The following STRN3 variants were observed in gnomAD, a reference collection of about 807,000 sequenced individuals.
The protein encoded by STRN3 is striatin 3.
A neutral mutation model predicts 95.6 loss-of-function variants in STRN3; 29 were observed. The ratio of observed to expected loss-of-function variants is 0.30; its 90% CI spans 0.23 to 0.41. STRN3 has a LOEUF of 0.41. STRN3 is among the 10% of genes least tolerant of loss of function. The probability of loss-of-function intolerance (pLI) is 1.00; values close to 1 mark genes in which losing one functional copy is unlikely to be tolerated. For missense variants in STRN3, 890 were observed against 972.1 expected (o/e 0.92, Z 1.12); for synonymous variants, 331 against 357.6 (o/e 0.93, Z 0.84).
At chr14:30,935,707 T>C (rs575637656) in intron 6 of STRN3, among the ~76,000 whole-genome samples, 3 of 152,332 alleles carry the variant, frequency 2.0e-5, no homozygotes, top group East Asian at 3.9e-4. Flanking sequence ...TTTAAATTCA[T>C]AGCTGTGATA....
chr14:30,894,636 T>C lies in STRN3; in HGVS notation c.*775A>G. On this transcript the variant is annotated 3_prime_UTR_variant, in exon 18 of 18. Transcript: ENST00000357479. ...TTGGTTTATGAAGACATTTATGTGA[T>C]GATGAAAGTTATTTAGCATCTTTAT... 6.4e-6 allele frequency: 1 copy of C among 156,968 alleles called. No individual in the cohort carries two copies. The highest frequency in any genetic ancestry group is 1.9e-4 in the South Asian group (1 of 5,372). 9.7% of individuals were successfully genotyped at this position (156,968 alleles called of 1,614,324 possible).
At chr14:30,928,343 C>T (rs1390525812) in intron 8 of STRN3, among the ~76,000 whole-genome samples, 1 of 152,234 alleles carries the variant, frequency 6.6e-6, no homozygotes, top group Admixed American at 6.5e-5. Context: ...GTCTATATTG[C>T]TTTTGCCTTT....
At chr14:31,006,528 A>G (rs1462727239) in intron 1 of STRN3, among the ~76,000 whole-genome samples, 3 of 151,766 alleles carry the variant, frequency 2.0e-5, no homozygotes, top group African/African-American at 7.3e-5. Context: ...AAACCCCAAC[A>G]CTACTAAAAA....
chr14:31,019,656 A>G (rs1883408409), intron 1 of STRN3, among the ~76,000 whole-genome samples: 1 of 152,168 alleles, frequency 6.6e-6, no homozygotes, highest in South Asian at 2.1e-4. Flanking sequence ...AGATTGAATC[A>G]GTTACTTCCT....
chr14:30,991,438 C>A (rs940678686), intron 1 of STRN3, among the ~76,000 whole-genome samples: 2 of 152,138 alleles, frequency 1.3e-5, no homozygotes, highest in Non-Finnish European at 2.9e-5. Flanking sequence ...ATAGGACAGG[C>A]ATCTGTAATG....
chr14:30,929,967 A>AAAAAAAAAAAAAAAAAAAAAAACAAAAAC, intron 7 of STRN3, among the ~76,000 whole-genome samples: 1 of 91,122 alleles, frequency 1.1e-5, no homozygotes, highest in Non-Finnish European at 2.3e-5. Flanking sequence ...AAAAAAAAAA[A>AAAAAAAAAAAAAAAAAAAAAAACAAAAAC]AAAAAAAAAA....
At position 31,026,209 on chromosome 14, in the gene STRN3, C is replaced by A. The variant is rs1435305240; in HGVS notation, c.-24G>T. 2 of 1,392,460 alleles carry A rather than the reference C, an allele frequency of 1.4e-6. No homozygotes were observed. The highest frequency in any genetic ancestry group is 1.8e-6 in the Non-Finnish European group (2 of 1,082,606). 86.3% of individuals were successfully genotyped at this position (1,392,460 alleles called of 1,614,324 possible). The stretch of plus-strand genomic sequence containing the variant: ...ATTGTGTGTGGGGCCCCGGCCGGGG[C>A]GCAGGGCGAGACGCCGACAGCTGGG... On this transcript the variant is annotated 5_prime_UTR_variant, in exon 1 of 18. Transcript: ENST00000357479.
At position 30,912,104 on chromosome 14, in the gene STRN3, C is replaced by A; in HGVS notation, c.1453G>T (p.Ala485Ser). Residue 485 changes from alanine to serine, a missense_variant, in exon 11 of 18, where the codon GCA becomes TCA. Ala to Ser is a moderately conservative substitution (Grantham distance 99). This residue lies in a region of STRN3 where 357 missense variants were observed against 422.8 expected (regional missense o/e 0.84). Coordinates refer to ENST00000357479, the MANE Select transcript of STRN3 (RefSeq NM_001083893.2). ...GGTTCTACAGGATGAAAAGCTAATG[C>A]CCGTACTCCATCAAAATGGCTACGT... is the stretch of plus-strand genomic sequence containing the variant. ...TLRSHFDGVR[A>S]LAFHPVEPVL... 2 of 1,614,138 alleles carry A rather than the reference C, an allele frequency of 1.2e-6. No individual in the cohort carries two copies. The highest frequency in any genetic ancestry group is 1.7e-6 in the Non-Finnish European group (2 of 1,180,000).
chr14:30,998,071 C>T (rs1882284407), intron 1 of STRN3, among the ~76,000 whole-genome samples: 1 of 152,092 alleles, frequency 6.6e-6, no homozygotes, highest in African/African-American at 2.4e-5. Flanking sequence ...ATCCAATAGC[C>T]CACAGTCACT....
intron 8 of STRN3, among the ~76,000 whole-genome samples, chr14:30,922,465 T>C (rs1460097366): frequency 1.3e-5 from 2 of 152,214 alleles, no homozygotes; most frequent in Non-Finnish European, 2.9e-5. Flanking sequence ...AACTATAGAC[T>C]ACTGTTACAT....
chr14:30,979,511 G>T (rs1881282319), intron 1 of STRN3, among the ~76,000 whole-genome samples: 1 of 152,106 alleles, frequency 6.6e-6, no homozygotes, highest in Admixed American at 6.5e-5. Context: ...ATAATTTAGG[G>T]TAACAAATAT....
At chr14:30,953,372 A>G (rs1057342407) in intron 3 of STRN3, among the ~76,000 whole-genome samples, 2 of 152,178 alleles carry the variant, frequency 1.3e-5, no homozygotes, top group Non-Finnish European at 2.9e-5. Context: ...TGAATATAAT[A>G]ATTTCTTCAA....
At chr14:30,921,429 T>C (rs1896882617) in intron 8 of STRN3, among the ~76,000 whole-genome samples, 1 of 152,158 alleles carries the variant, frequency 6.6e-6, no homozygotes, top group South Asian at 2.1e-4. Flanking sequence ...TCCCAAATTA[T>C]ATAATATTAT....
At chr14:31,016,388 T>C (rs1022559536) in intron 1 of STRN3, among the ~76,000 whole-genome samples, 6 of 151,932 alleles carry the variant, frequency 3.9e-5, no homozygotes, top group African/African-American at 1.2e-4. Flanking sequence ...AATCAACCCA[T>C]AGAAAAGACA....
intron 1 of STRN3, among the ~76,000 whole-genome samples, chr14:30,983,714 T>C (rs376797029): frequency 3.9e-5 from 6 of 152,242 alleles, no homozygotes; most frequent in African/African-American, 1.2e-4. Flanking sequence ...AAAGTAAAGA[T>C]GAATAAGCTG....
At chr14:30,947,620 C>T (rs1879429322) in intron 4 of STRN3, among the ~76,000 whole-genome samples, 1 of 151,880 alleles carries the variant, frequency 6.6e-6, no homozygotes, top group South Asian at 2.1e-4. Flanking sequence ...CACACAAACA[C>T]AACACACACA....
At chr14:30,928,264 G>A (rs1291699947) in intron 8 of STRN3, among the ~76,000 whole-genome samples, 1 of 152,100 alleles carries the variant, frequency 6.6e-6, no homozygotes, top group Admixed American at 6.6e-5. Context: ...AAAGAAACTC[G>A]CACACGTTTC....
chr14:30,941,600 G>A (rs1879096135), intron 5 of STRN3, among the ~76,000 whole-genome samples: 1 of 152,090 alleles, frequency 6.6e-6, no homozygotes, highest in Non-Finnish European at 1.5e-5. Context: ...CAAGATGAAA[G>A]AGAGGATTCA....
At chr14:30,976,741 G>A (rs1002193090) in intron 1 of STRN3, among the ~76,000 whole-genome samples, 2 of 152,160 alleles carry the variant, frequency 1.3e-5, no homozygotes, top group Non-Finnish European at 2.9e-5. Context: ...CAGCATATAG[G>A]AAATTAAACA....
Sources: gnomAD v4.1 joint callset for allele counts (sites outside exome capture counted in the v4.1 genomes callset) on GRCh38, gnomAD v4.1.1 for gene constraint, gnomAD v4.1.1 regional missense constraint, MANE v1.5 for transcripts, NCBI Gene and HGNC (gene_info 2026-07-23, HGNC 2026-07-21) for gene names.